The following PCDHGB4 variants were observed in gnomAD, a reference collection of about 807,000 sequenced individuals.
PCDHGB4 encodes the protein protocadherin gamma subfamily B, 4, also known as protocadherin gamma-B4.
PCDHGB4 carries 38 observed loss-of-function variants against 60.5 expected under a neutral mutation model. That is an observed-to-expected ratio of 0.63 (90% CI 0.48 to 0.82). The LOEUF (loss-of-function observed/expected upper bound fraction) is 0.82, where lower values mean the gene tolerates loss of function less well. Among genes scored for constraint, PCDHGB4 ranks in the 40% least tolerant of loss-of-function variants. PCDHGB4 has a pLI of 0.00. For missense variants in PCDHGB4, 1,109 were observed against 1,209.6 expected (o/e 0.92, Z 1.23); for synonymous variants, 456 against 509.7 (o/e 0.89, Z 1.42).
intron 1 of PCDHGB4, among the ~76,000 whole-genome samples, chr5:141,452,947 G>C (rs2098752833): frequency 6.6e-6 from 1 of 152,144 alleles, no homozygotes; most frequent in Non-Finnish European, 1.5e-5. Flanking sequence ...GCTTGCAATT[G>C]GTTGTCTTTA....
At chr5:141,450,826 A>C (rs965147554) in intron 1 of PCDHGB4, among the ~76,000 whole-genome samples, 1 of 134,302 alleles carries the variant, frequency 7.4e-6, no homozygotes, top group African/African-American at 2.9e-5. Context: ...TATTATTATT[A>C]TTATTTTTTT....
chr5:141,432,137 T>A lies in PCDHGB4; in HGVS notation c.2397+41856T>A. On this transcript the variant is annotated intron_variant, in intron 1 of 3. Coordinates refer to ENST00000519479, the MANE Select transcript of PCDHGB4 (RefSeq NM_003736.4). The surrounding 1 kb of genome is among the most constrained non-coding windows in gnomAD (Gnocchi z 6.0). ...CTTCCCTCAGGCCTCCTATTCCGCT[T>A]ATATCCCAGAGAACAATCCCAGAGG... 6.2e-7 allele frequency: 1 copy of A among 1,613,964 alleles called. No homozygotes were observed. Among genetic ancestry groups the A allele is most frequent in the Non-Finnish European group, 8.5e-7 (1 of 1,179,984 alleles).
chr5:141,466,099 G>A (rs879849411), intron 1 of PCDHGB4, among the ~76,000 whole-genome samples: 2 of 151,938 alleles, frequency 1.3e-5, no homozygotes, highest in Non-Finnish European at 2.9e-5. Context: ...TCCAGCCTGG[G>A]CAACAGAGTG....
At chr5:141,404,252 A>G (rs2094504105) in intron 1 of PCDHGB4, 8 of 1,613,986 alleles carry the variant, frequency 5.0e-6, no homozygotes, top group South Asian at 1.1e-5. Context: ...GCCCCTGTCC[A>G]CAGAAATTCA....
At chr5:141,405,442 CAG>C in intron 1 of PCDHGB4, 1 of 1,378,150 alleles carries the variant, frequency 7.3e-7, no homozygotes, top group South Asian at 1.3e-5. Context: ...GTTTTTGAGA[CAG>C]AGTCTTACTC....
chr5:141,494,929 GGA>G, intron 2 of PCDHGB4, 64 bp downstream of exon 2: 1 of 1,613,142 alleles, frequency 6.2e-7, no homozygotes, highest in Non-Finnish European at 8.5e-7. Flanking sequence ...TGACGTGGGA[GGA>G]GATGGGGGAG....
chr5:141,497,414 C>A (rs1021294577), intron 2 of PCDHGB4, among the ~76,000 whole-genome samples: 34 of 152,066 alleles, frequency 2.2e-4, no homozygotes, highest in Admixed American at 2.0e-3. Flanking sequence ...CCCATTCCAT[C>A]AAATGAGAGG....
In PCDHGB4 at chr5:141,388,566, A is replaced by T. The variant is rs145399301; in HGVS notation, c.682A>T (p.Ile228Leu). ...TCCACCCCTAAGCAGCACTGCACAGATACACGTTCTAGTGACTGATGCCAA... is the reference window on the plus strand; with the variant it reads ...TCCACCCCTAAGCAGCACTGCACAGTTACACGTTCTAGTGACTGATGCCAA... ...GAPPLSSTAQ[I>L]HVLVTDANDN... The change falls in exon 1 of 4, where the codon ATA (isoleucine) becomes TTA (leucine). Residue 228 changes from isoleucine to leucine, a missense_variant. Around this residue, in one of 2 missense-constraint regions of PCDHGB4, gnomAD observed 1,068 missense variants for 1,089.9 expected, o/e 0.98. Transcript: ENST00000519479. 134 of 1,613,852 alleles carry T rather than the reference A, an allele frequency of 8.3e-5. No homozygotes were observed. The East Asian group carries it at 2.4e-3, about 29-fold the overall frequency.
rs751318430 is a variant in PCDHGB4 at position 141,485,603 on chromosome 5, G to A, written c.2398-9204G>A. 1 of 1,612,482 alleles carries A rather than the reference G, an allele frequency of 6.2e-7. No homozygotes were observed. The stretch of plus-strand genomic sequence containing the variant: ...GCAGCAGCTGGACTTGGAAATTGGG[G>A]AGGCAGCTCCTCCAGGACAGCGTTT... On this transcript the variant is annotated intron_variant, in intron 1 of 3. Coordinates refer to ENST00000519479, the MANE Select transcript of PCDHGB4 (RefSeq NM_003736.4). This position sits in a 1 kb window ranked among gnomAD's most constrained non-coding sequence, Gnocchi z 5.7.
intron 1 of PCDHGB4, among the ~76,000 whole-genome samples, chr5:141,465,104 T>A (rs1044128193): frequency 1.3e-5 from 2 of 151,862 alleles, no homozygotes; most frequent in East Asian, 3.9e-4. Context: ...GTTTTTTTTT[T>A]AAGTGTTTTA....
intron 1 of PCDHGB4, chr5:141,441,925 T>C (rs926242217): frequency 2.8e-6 from 1 of 353,614 alleles, no homozygotes; most frequent in Non-Finnish European, 5.4e-6. Flanking sequence ...ACACAATGCG[T>C]GGCTGTCCTA....
At chr5:141,394,303 AG>A in intron 1 of PCDHGB4, 2 of 1,613,924 alleles carry the variant, frequency 1.2e-6, no homozygotes, top group East Asian at 2.2e-5. Context: ...GACACGCTGC[AG>A]GGGGCGCCCC....
chr5:141,480,239 A>C (rs1320132415), intron 1 of PCDHGB4, among the ~76,000 whole-genome samples: 4 of 136,218 alleles, frequency 2.9e-5, no homozygotes, highest in African/African-American at 1.1e-4. Context: ...TCCTGTCTCT[A>C]CAAAAAAAAA....
chr5:141,415,740 G>GTTTTTTTTTTTTTTTTTTTT (rs57426385), intron 1 of PCDHGB4: 5 of 625,024 alleles, frequency 8.0e-6, no homozygotes, highest in African/African-American at 5.0e-5. Flanking sequence ...GTTTATTAAG[G>GTTTTTTTTTTTTTTTTTTTT]TTTTTTTTTT....
chr5:141,489,086 G>A lies in PCDHGB4; in HGVS notation c.2398-5721G>A, dbSNP rs2233599. ...CCCCCCTGCCCACCCCCGCCACTCG[G>A]TGACTAAGAACTGCTGCAAGCAGGC... On this transcript the variant is annotated intron_variant, in intron 1 of 3. Coordinates refer to ENST00000519479, the MANE Select transcript of PCDHGB4 (RefSeq NM_003736.4). The surrounding 1 kb of genome is among the most constrained non-coding windows in gnomAD (Gnocchi z 4.5). 2.2e-3 allele frequency: 754 copies of A among 340,206 alleles called. 5 individuals carry two copies. Among genetic ancestry groups the A allele is most frequent in the African/African-American group, 0.018 (712 of 39,726 alleles). 21.1% of individuals were successfully genotyped at this position (340,206 alleles called of 1,614,324 possible).
At position 141,476,242 on chromosome 5, in the gene PCDHGB4, G is replaced by A. The variant is rs369923405; in HGVS notation, c.2398-18565G>A. The A allele has an allele frequency of 6.2e-6, 10 of 1,614,100 alleles. No individual in the cohort carries two copies. The highest frequency in any genetic ancestry group is 8.5e-6 in the Non-Finnish European group (10 of 1,180,026). The stretch of plus-strand genomic sequence containing the variant: ...ACTATGAGATCCCGGAGGAAAGAGA[G>A]AAGGGTTTCGCTGTGGGCAACGTGG... On this transcript the variant is annotated intron_variant, in intron 1 of 3. Transcript: ENST00000519479. This position sits in a 1 kb window ranked among gnomAD's most constrained non-coding sequence, Gnocchi z 7.6.
intron 1 of PCDHGB4, chr5:141,409,266 A>G (rs1285539149): frequency 1.1e-5 from 17 of 1,613,922 alleles, no homozygotes; most frequent in Non-Finnish European, 1.4e-5. Flanking sequence ...CTCTCTGATC[A>G]GATTTTGGAG....
intron 1 of PCDHGB4, among the ~76,000 whole-genome samples, chr5:141,400,820 G>A (rs1419111099): frequency 6.6e-6 from 1 of 152,082 alleles, no homozygotes; most frequent in African/African-American, 2.4e-5. Context: ...TTACCTATTC[G>A]TTGTCTCATT....
chr5:141,490,062 C>A lies in PCDHGB4; in HGVS notation c.2398-4745C>A, dbSNP rs758715682. 6.2e-7 allele frequency: 1 copy of A among 1,614,218 alleles called. No homozygotes were observed. The highest frequency in any genetic ancestry group is 1.1e-5 in the South Asian group (1 of 91,082). ...CCACTGATCCAGACGAGGGCACCAA[C>A]GGCCAACTAGACTATTCTTTTGGAG... On this transcript the variant is annotated intron_variant, in intron 1 of 3. Coordinates refer to ENST00000519479, the MANE Select transcript of PCDHGB4 (RefSeq NM_003736.4). The surrounding 1 kb of genome is among the most constrained non-coding windows in gnomAD (Gnocchi z 5.4).
Sources: gnomAD v4.1 joint callset for allele counts (sites outside exome capture counted in the v4.1 genomes callset) on GRCh38, gnomAD v4.1.1 for gene constraint, gnomAD v4.1.1 regional missense constraint, Gnocchi (gnomAD v3.1) non-coding constraint, MANE v1.5 for transcripts, NCBI Gene and HGNC (gene_info 2026-07-23, HGNC 2026-07-21) for gene names.